The following BRWD1 variants were observed in gnomAD, a reference collection of about 807,000 sequenced individuals.
The protein encoded by BRWD1 is bromodomain and WD repeat domain containing 1.
A neutral mutation model predicts 251.2 loss-of-function variants in BRWD1; 82 were observed. The observed-to-expected ratio is 0.33, with a 90% CI of 0.27 to 0.39. BRWD1 has a LOEUF of 0.39. BRWD1 is among the 10% of genes least tolerant of loss of function. The pLI is 1.00. For missense variants in BRWD1, 2,233 were observed against 2,711.6 expected, an observed-to-expected ratio of 0.82 and a Z score of 3.92; for synonymous variants, 918 against 902.8, an observed-to-expected ratio of 1.02 and a Z score of -0.30.
At chr21:39,293,534 A>C (rs1287751287) in intron 8 of BRWD1, among the ~76,000 whole-genome samples, 1 of 152,082 alleles carries the variant, frequency 6.6e-6, no homozygotes, top group Non-Finnish European at 1.5e-5. Context: ...CACAAGTTTT[A>C]AAGTTGAAAA....
rs769270272 is a variant in BRWD1 at position 39,296,228 on chromosome 21, A to G, written c.448+37T>C. ...AAAGGTTGTTGAGAAATTTAAAAAC[A>G]ATTATTTCAGGCATCTCAAAGGCCA... On this transcript the variant is annotated intron_variant, in intron 6 of 40. Transcript: ENST00000342449. The G allele has an allele frequency of 2.7e-6, 4 of 1,489,740 alleles. No homozygotes were observed. In the South Asian group the frequency reaches 5.2e-5, roughly 19 times the overall value. 92.3% of individuals were successfully genotyped at this position (1,489,740 alleles called of 1,614,324 possible).
At chr21:39,235,692 G>C (rs954435075) in intron 23 of BRWD1, 1 of 206,624 alleles carries the variant, frequency 4.8e-6, no homozygotes, top group Admixed American at 4.3e-5. Flanking sequence ...TTGGATACAA[G>C]GAGGTAAATT....
rs2031766093 is a variant in BRWD1, at chr21:39,195,506, C to T, written c.*753G>A. ...CAGATTATATAGCATTTTGTTAGTG[C>T]ACAATTTAAAAGAAAATGCTCTGAC... On this transcript the variant is annotated 3_prime_UTR_variant, in exon 41 of 41. Transcript: ENST00000342449. The T allele has an allele frequency of 4.1e-6, 4 of 984,118 alleles. No homozygotes were observed. Among genetic ancestry groups the T allele is most frequent in the African/African-American group, 1.7e-5 (1 of 57,150 alleles). The allele number at this position is 984,118 out of a possible 1,614,324, so 61.0% of individuals were successfully genotyped here.
chr21:39,299,247 CAA>C lies in BRWD1; in HGVS notation c.199-667_199-666del, dbSNP rs34445556. Among the ~76,000 whole-genome samples the C allele has an allele frequency of 3.6e-4, 41 of 114,760 alleles. 1 individual carries two copies. Among genetic ancestry groups the C allele is most frequent in the Non-Finnish European group, 3.8e-4 (21 of 54,554 alleles). The allele number at this position is 114,760 out of a possible 152,430, so 75.3% of individuals were successfully genotyped here. A position where few individuals can be genotyped will look rare whatever the true frequency, so the allele number is the denominator to read the frequency against. On this transcript the variant is annotated intron_variant, in intron 4 of 40. Coordinates refer to ENST00000342449, the MANE Select transcript of BRWD1 (RefSeq NM_033656.4). The stretch of plus-strand genomic sequence containing the variant: ...ACATATTACGCTAACTCGCCTGTCT[CAA>C]AAAAAAAAAAATATATATATATGCT...
intron 31 of BRWD1, chr21:39,217,076 TATATA>T (rs1397539038): frequency 1.3e-3 from 17 of 12,724 alleles, no homozygotes; most frequent in South Asian, 3.0e-3. Flanking sequence ...TATATATATA[TATATA>T]TATTTTTTTT....
intron 13 of BRWD1, 73 bp downstream of exon 13, chr21:39,274,301 G>A (rs2035209252): frequency 2.7e-6 from 3 of 1,096,904 alleles, no homozygotes; most frequent in Non-Finnish European, 4.1e-6. Context: ...GAGACACAGA[G>A]AGCGAGAGAG....
At chr21:39,295,607 T>C (rs1273090305) in intron 7 of BRWD1, 136 bp downstream of exon 7, 2 of 553,468 alleles carry the variant, frequency 3.6e-6, no homozygotes, top group Admixed American at 3.9e-5. Flanking sequence ...AAAATACAAA[T>C]TCGTGAGACC....
intron 8 of BRWD1, among the ~76,000 whole-genome samples, chr21:39,291,185 T>C (rs2146738714): frequency 6.6e-6 from 1 of 152,330 alleles, no homozygotes; most frequent in African/African-American, 2.4e-5. Context: ...CTCTTTTCTT[T>C]GAGAATACTG....
At chr21:39,233,758 G>A (rs911460837) in intron 23 of BRWD1, among the ~76,000 whole-genome samples, 10 of 152,224 alleles carry the variant, frequency 6.6e-5, no homozygotes, top group Admixed American at 6.5e-4. Flanking sequence ...CATGGCTCAC[G>A]CCTGTAATCC....
intron 12 of BRWD1, among the ~76,000 whole-genome samples, chr21:39,275,576 T>A (rs1342180270): frequency 3.9e-5 from 6 of 152,280 alleles, no homozygotes; most frequent in African/African-American, 1.4e-4. Context: ...TATTTCAAAA[T>A]TTCTGAGTAG....
At position 39,189,413 on chromosome 21, in the gene BRWD1, ACTAATT is replaced by A. The variant is rs752252547; in HGVS notation, c.*6840_*6845del. 1.8e-5 allele frequency: 17 copies of A among 969,336 alleles called. No homozygotes were observed. The East Asian group carries it at 4.6e-4, about 26-fold the overall frequency. 60.0% of individuals were successfully genotyped at this position (969,336 alleles called of 1,614,324 possible). On this transcript the variant is annotated 3_prime_UTR_variant, in exon 41 of 41. Coordinates refer to ENST00000342449, the MANE Select transcript of BRWD1 (RefSeq NM_033656.4). ...CTGACAATTTAGGAACCTAGTAAATACTAATTCTAACACATTTTAATAAATGTTTAT... is the reference window on the plus strand; with the variant it reads ...CTGACAATTTAGGAACCTAGTAAATACTAACACATTTTAATAAATGTTTAT...
In BRWD1 at chr21:39,312,843, ACTC is replaced by A; in HGVS notation, c.193_195del (p.Glu65del). The A allele has an allele frequency of 6.4e-7, 1 of 1,561,484 alleles. No individual in the cohort carries two copies. On this transcript the variant is annotated inframe_deletion, in exon 4 of 41. Transcript: ENST00000342449. Reference sequence around the variant, plus strand: ...GAGCAAACGTGCCCAATGCTCACCAACTCCTCGTAGCTCCTGTTGTGCTCGTTG... The same window carrying A: ...GAGCAAACGTGCCCAATGCTCACCAACTCGTAGCTCCTGTTGTGCTCGTTG...
intron 21 of BRWD1, among the ~76,000 whole-genome samples, chr21:39,245,930 G>T (rs1033820477): frequency 6.6e-6 from 1 of 151,946 alleles, no homozygotes; most frequent in Non-Finnish European, 1.5e-5. Flanking sequence ...AAAAAAGTTG[G>T]TTTCTCCCTC....
At chr21:39,204,193 C>T (rs1480108547) in intron 37 of BRWD1, among the ~76,000 whole-genome samples, 1 of 147,728 alleles carries the variant, frequency 6.8e-6, no homozygotes, top group Non-Finnish European at 1.5e-5. Flanking sequence ...CCACCACCAC[C>T]TAGGAAGGGG....
intron 17 of BRWD1, among the ~76,000 whole-genome samples, chr21:39,260,574 C>T (rs1447536407): frequency 1.3e-5 from 2 of 152,176 alleles, no homozygotes; most frequent in Non-Finnish European, 2.9e-5. Flanking sequence ...TTAACTGCCG[C>T]AGGAAGTGTC....
intron 17 of BRWD1, among the ~76,000 whole-genome samples, chr21:39,264,159 A>G (rs530105622): frequency 9.2e-5 from 14 of 152,304 alleles, no homozygotes; most frequent in Admixed American, 8.5e-4. Flanking sequence ...CATTACTAGA[A>G]TAACTGGAAA....
Position 39,247,719 on chromosome 21 carries a change from A to C in BRWD1, c.2463T>G (p.Ser821=). The C allele has an allele frequency of 6.2e-7, 1 of 1,611,978 alleles. No individual in the cohort carries two copies. Among genetic ancestry groups the C allele is most frequent in the Non-Finnish European group, 8.5e-7 (1 of 1,179,366 alleles). Residue 821 remains serine (S), a synonymous_variant, in exon 21 of 41, where the codon TCT becomes TCG. Transcript: ENST00000342449. ...CACTCACATGTCTTACAGAGCTTGA[A>C]GACTCATTTCCAGAAGATAACTCAC... is the stretch of plus-strand genomic sequence containing the variant. The part of the protein sequence containing the change: ...SWRELSSGNE[S]SSSVRHETSC...
At chr21:39,284,884 A>G (rs2035584308) in intron 8 of BRWD1, among the ~76,000 whole-genome samples, 1 of 152,058 alleles carries the variant, frequency 6.6e-6, no homozygotes. Flanking sequence ...TTCGATCTAT[A>G]TTGTTTGTTT....
chr21:39,286,913 A>C (rs1019562705), intron 8 of BRWD1, among the ~76,000 whole-genome samples: 3 of 152,190 alleles, frequency 2.0e-5, no homozygotes, highest in African/African-American at 7.2e-5. Context: ...TTTTTAATCT[A>C]GATAAAAGTC....
Sources: gnomAD v4.1 joint callset for allele counts (sites outside exome capture counted in the v4.1 genomes callset) on GRCh38, gnomAD v4.1.1 for gene constraint, MANE v1.5 for transcripts, NCBI Gene and HGNC (gene_info 2026-07-23, HGNC 2026-07-21) for gene names.